The following TMEM207 variants were observed in gnomAD, a reference collection of about 807,000 sequenced individuals.
TMEM207 encodes transmembrane protein 207.
TMEM207 carries 15 observed loss-of-function variants against 17.4 expected under a neutral mutation model. That is an observed-to-expected ratio of 0.86 (90% CI 0.58 to 1.33). The LOEUF (loss-of-function observed/expected upper bound fraction) is 1.33, where lower values mean the gene tolerates loss of function less well. Ranked by LOEUF, TMEM207 falls within the 40% of genes most tolerant of loss-of-function variation. The pLI is 0.00. For missense variants in TMEM207, 205 were observed against 173.8 expected, an observed-to-expected ratio of 1.18 and a Z score of -1.01; for synonymous variants, 70 against 65.6, an observed-to-expected ratio of 1.07 and a Z score of -0.33.
At chr3:190,432,065 G>A (rs1560105554) in intron 4 of TMEM207, among the ~76,000 whole-genome samples, 3 of 152,152 alleles carry the variant, frequency 2.0e-5, no homozygotes, top group African/African-American at 7.2e-5. Flanking sequence ...GAAGCTGAGA[G>A]AACTGAATTA....
intron 4 of TMEM207, among the ~76,000 whole-genome samples, chr3:190,431,416 TC>T (rs1719689027): frequency 6.6e-6 from 1 of 152,050 alleles, no homozygotes; most frequent in African/African-American, 2.4e-5. Context: ...ATATTATTTT[TC>T]AATCCATCCT....
At chr3:190,445,005 A>G (rs1335333320) in intron 2 of TMEM207, among the ~76,000 whole-genome samples, 1 of 152,184 alleles carries the variant, frequency 6.6e-6, no homozygotes, top group Non-Finnish European at 1.5e-5. Flanking sequence ...TGGACTATGC[A>G]TATCTCAGGT....
Position 190,429,626 on chromosome 3 carries a change from G to T in TMEM207, c.410C>A (p.Pro137His). Residue 137 changes from proline to histidine, a missense_variant, in exon 5 of 5, where the codon CCT becomes CAT. Transcript: ENST00000354905. Reference protein sequence around the residue: ...APCFGPLGSPPPYEEIVKTT With the variant: ...APCFGPLGSPHPYEEIVKTT ...TGTTTTTACAATTTCTTCATATGGA[G>T]GTGGGGAGCCTAAAGGGCCAAAACA... The T allele has an allele frequency of 1.2e-6, 2 of 1,613,538 alleles. No individual in the cohort carries two copies. The highest frequency in any genetic ancestry group is 1.7e-6 in the Non-Finnish European group (2 of 1,179,630).
At chr3:190,442,090 A>G (rs917500240) in intron 2 of TMEM207, among the ~76,000 whole-genome samples, 1 of 152,192 alleles carries the variant, frequency 6.6e-6, no homozygotes, top group Non-Finnish European at 1.5e-5. Context: ...CCACAATTCA[A>G]TCTTTCTTGA....
In TMEM207 at chr3:190,449,777, T is replaced by C. The variant is rs1229376653; in HGVS notation, c.33A>G (p.Ser11=). Residue 11 remains serine (S), a synonymous_variant, in exon 1 of 5, where the codon TCA becomes TCG. Transcript: ENST00000354905. MSRSRLFSVT[S]AISTIGILCL... is the part of the protein sequence containing the mutation. ...ACAAGATCCCTATCGTTGAGATCGC[T>C]GAGGTGACACTGAAAAGTCTGGATC... 6.2e-7 allele frequency: 1 copy of C among 1,613,842 alleles called. No homozygotes were observed. The highest frequency in any genetic ancestry group is 1.1e-5 in the South Asian group (1 of 91,066).
chr3:190,443,107 G>A (rs1719968330), intron 2 of TMEM207, among the ~76,000 whole-genome samples: 1 of 151,044 alleles, frequency 6.6e-6, no homozygotes, highest in African/African-American at 2.4e-5. Flanking sequence ...AGACAGATGT[G>A]GGGAAATTCT....
At chr3:190,437,917 C>T (rs1297367796) in intron 4 of TMEM207, among the ~76,000 whole-genome samples, 8 of 151,350 alleles carry the variant, frequency 5.3e-5, no homozygotes, top group Admixed American at 1.3e-4. Flanking sequence ...ACTATGCAGC[C>T]ATAAAAAATG....
At chr3:190,441,591 C>G (rs1719939516) in intron 2 of TMEM207, 109 bp from the exon 3 acceptor site, 1 of 815,550 alleles carries the variant, frequency 1.2e-6, no homozygotes, top group Non-Finnish European at 2.0e-6. Flanking sequence ...GAACAGTCAC[C>G]TACATATTCC....
intron 3 of TMEM207, among the ~76,000 whole-genome samples, 156 bp from the exon 4 acceptor site, chr3:190,440,545 T>C (rs748453208): frequency 1.3e-5 from 2 of 152,186 alleles, no homozygotes; most frequent in African/African-American, 2.4e-5. Flanking sequence ...CCACCACCCA[T>C]ACATTTCCAC....
chr3:190,438,765 T>C (rs1719858939), intron 4 of TMEM207, among the ~76,000 whole-genome samples: 1 of 152,220 alleles, frequency 6.6e-6, no homozygotes, highest in Non-Finnish European at 1.5e-5. Flanking sequence ...AATGTTAGCA[T>C]GTTGACTCCT....
At chr3:190,443,227 A>G (rs1477102243) in intron 2 of TMEM207, among the ~76,000 whole-genome samples, 1 of 144,194 alleles carries the variant, frequency 6.9e-6, no homozygotes, top group Non-Finnish European at 1.5e-5. Flanking sequence ...AGTATGGATT[A>G]TTTCATCTTC....
intron 2 of TMEM207, among the ~76,000 whole-genome samples, chr3:190,442,871 A>G (rs940945913): frequency 6.6e-6 from 1 of 152,208 alleles, no homozygotes; most frequent in African/African-American, 2.4e-5. Context: ...CTTACTTTGT[A>G]TATATTATTT....
intron 4 of TMEM207, 33 bp from the exon 5 acceptor site, chr3:190,429,764 T>C (rs776920121): frequency 5.7e-5 from 88 of 1,556,394 alleles, no homozygotes; most frequent in Non-Finnish European, 7.5e-5. Context: ...TTGTAATCTT[T>C]CTAGTGAGCA....
At chr3:190,449,124 A>G (rs767036551) in intron 1 of TMEM207, among the ~76,000 whole-genome samples, 38 of 152,220 alleles carry the variant, frequency 2.5e-4, no homozygotes, top group Non-Finnish European at 1.3e-4. Flanking sequence ...AATAGTACAC[A>G]GTATTAAATT....
intron 4 of TMEM207, among the ~76,000 whole-genome samples, chr3:190,433,944 G>C (rs1251430887): frequency 6.6e-6 from 1 of 151,972 alleles, no homozygotes; most frequent in African/African-American, 2.4e-5. Context: ...CTTCCTCCTG[G>C]CCCAGCCATG....
At chr3:190,439,003 C>T (rs920070773) in intron 4 of TMEM207, among the ~76,000 whole-genome samples, 1 of 149,414 alleles carries the variant, frequency 6.7e-6, no homozygotes, top group Non-Finnish European at 1.5e-5. Context: ...CGGTGAAACC[C>T]CGTCTCTACT....
Position 190,441,375 on chromosome 3 carries a change from A to G in TMEM207, c.158+63T>C, listed in dbSNP as rs111671593. The G allele has an allele frequency of 6.1e-5, 81 of 1,326,486 alleles. 3 individuals carry two copies. In the Middle Eastern group the frequency reaches 5.5e-3, roughly 90 times the overall value. 82.2% of individuals were successfully genotyped at this position (1,326,486 alleles called of 1,614,324 possible). On this transcript the variant is annotated intron_variant, in intron 3 of 4. Coordinates refer to ENST00000354905, the MANE Select transcript of TMEM207 (RefSeq NM_207316.3). ...ATGATTTCATGTACCATCTCAAATTATTTAGGACAAAGACTGTATATACCA... is the reference window on the plus strand; with the variant it reads ...ATGATTTCATGTACCATCTCAAATTGTTTAGGACAAAGACTGTATATACCA...
At chr3:190,439,217 T>TGATA (rs1281625833) in intron 4 of TMEM207, among the ~76,000 whole-genome samples, 11 of 145,832 alleles carry the variant, frequency 7.5e-5, no homozygotes, top group Admixed American at 1.4e-4. Flanking sequence ...TTTCCCAAAC[T>TGATA]GATAATGCAT....
Position 190,429,915 on chromosome 3 carries a change from A to G in TMEM207, c.305-184T>C, listed in dbSNP as rs79454464. On this transcript the variant is annotated intron_variant, in intron 4 of 4. Coordinates refer to ENST00000354905, the MANE Select transcript of TMEM207 (RefSeq NM_207316.3). ...TGAAGGTTTAGTCACCACAGGGGGG[A>G]AAAAAAAAATTGCTTGCCTGAACTG... Among the ~76,000 whole-genome samples the G allele has an allele frequency of 1.2e-4, 11 of 95,332 alleles. No homozygotes were observed. In the East Asian group the frequency reaches 1.7e-3, roughly 15 times the overall value. 62.5% of individuals were successfully genotyped at this position (95,332 alleles called of 152,430 possible).
Sources: allele counts gnomAD v4.1 joint callset (sites outside exome capture counted in the v4.1 genomes callset), GRCh38; gene constraint gnomAD v4.1.1; transcripts MANE v1.5; gene names NCBI Gene and HGNC (gene_info 2026-07-23, HGNC 2026-07-21).